Variants in NDST4 observed in about 807,000 individuals in gnomAD.
The protein encoded by NDST4 is N-deacetylase and N-sulfotransferase 4, also known as N-heparan sulfate sulfotransferase 4.
In NDST4, 63 loss-of-function variants were observed where a neutral mutation model predicts 100.8. The observed-to-expected ratio is 0.62, with a 90% CI of 0.51 to 0.77. The LOEUF (loss-of-function observed/expected upper bound fraction) is 0.77. NDST4 is among the 30% of genes least tolerant of loss of function. The pLI, the probability that NDST4 is intolerant of heterozygous loss-of-function variation, is 0.00. For missense variants in NDST4, 943 were observed against 1,018.4 expected, an observed-to-expected ratio of 0.93 and a Z score of 1.01; for synonymous variants, 377 against 361.8, an observed-to-expected ratio of 1.04 and a Z score of -0.48.
At chr4:114,874,368 C>G (rs1235543295) in intron 6 of NDST4, among the ~76,000 whole-genome samples, 1 of 152,070 alleles carries the variant, frequency 6.6e-6, no homozygotes, top group Non-Finnish European at 1.5e-5. Context: ...AATGGAAAAT[C>G]TGTCTTTTGA....
chr4:115,048,983 T>A (rs1275627837), intron 2 of NDST4, among the ~76,000 whole-genome samples: 1 of 152,124 alleles, frequency 6.6e-6, no homozygotes, highest in Non-Finnish European at 1.5e-5. Context: ...GTGAAATAAT[T>A]GTAGGAGAAA....
At chr4:114,861,089 C>A (rs1723909156) in intron 7 of NDST4, among the ~76,000 whole-genome samples, 1 of 152,198 alleles carries the variant, frequency 6.6e-6, no homozygotes, top group Admixed American at 6.5e-5. Context: ...TGTAGAAATT[C>A]TCATGTTTGT....
chr4:115,048,295 A>T (rs533444824), intron 2 of NDST4, among the ~76,000 whole-genome samples: 2 of 152,216 alleles, frequency 1.3e-5, no homozygotes, highest in African/African-American at 2.4e-5. Flanking sequence ...AGTTAGAAAA[A>T]CAAGGTTTTT....
chr4:114,882,678 GA>G (rs1724395750), intron 6 of NDST4, among the ~76,000 whole-genome samples: 1 of 152,064 alleles, frequency 6.6e-6, no homozygotes, highest in Non-Finnish European at 1.5e-5. Flanking sequence ...TAGGAAAAAA[GA>G]GAGTGGTGCA....
chr4:114,977,150 A>G (rs764464471), intron 3 of NDST4, 37 bp downstream of exon 3: 1 of 1,238,972 alleles, frequency 8.1e-7, no homozygotes, highest in Non-Finnish European at 1.2e-6. Context: ...TTTCCTATTT[A>G]TATGTAGCTG....
chr4:114,934,238 A>G (rs1725576305), intron 6 of NDST4, among the ~76,000 whole-genome samples: 1 of 152,180 alleles, frequency 6.6e-6, no homozygotes. Context: ...TGCTAAGTGA[A>G]TAAGTCAGGA....
intron 6 of NDST4, among the ~76,000 whole-genome samples, chr4:114,879,013 C>T (rs1724313408): frequency 6.6e-6 from 1 of 151,620 alleles, no homozygotes; most frequent in Non-Finnish European, 1.5e-5. Flanking sequence ...CTTTTGTAGT[C>T]TTTACGTTAT....
chr4:114,969,556 A>G (rs1560836373), intron 4 of NDST4, among the ~76,000 whole-genome samples: 1 of 152,156 alleles, frequency 6.6e-6, no homozygotes, highest in Non-Finnish European at 1.5e-5. Context: ...CATAAGTGCC[A>G]ACATGCAGTG....
intron 4 of NDST4, among the ~76,000 whole-genome samples, chr4:114,967,142 TG>T (rs1726400555): frequency 6.6e-6 from 1 of 152,042 alleles, no homozygotes; most frequent in Non-Finnish European, 1.5e-5. Flanking sequence ...CTTGGCTCTC[TG>T]GATAGCACAC....
intron 7 of NDST4, among the ~76,000 whole-genome samples, chr4:114,868,274 T>C (rs1362045237): frequency 1.3e-5 from 2 of 152,136 alleles, no homozygotes; most frequent in East Asian, 1.9e-4. Context: ...CTCTCTAGCA[T>C]TGTGATGAAT....
At chr4:115,062,188 G>A (rs1728839108) in intron 2 of NDST4, among the ~76,000 whole-genome samples, 1 of 151,956 alleles carries the variant, frequency 6.6e-6, no homozygotes, top group Non-Finnish European at 1.5e-5. Flanking sequence ...GTATCATAAC[G>A]ATCTGTTATG....
chr4:114,963,936 C>T (rs1452380562), intron 4 of NDST4, among the ~76,000 whole-genome samples: 1 of 152,110 alleles, frequency 6.6e-6, no homozygotes, highest in African/African-American at 2.4e-5. Context: ...ATCGCTGTCT[C>T]CTGATATTCC....
chr4:114,910,373 T>C (rs960252836), intron 6 of NDST4, among the ~76,000 whole-genome samples: 2 of 152,154 alleles, frequency 1.3e-5, no homozygotes, highest in African/African-American at 4.8e-5. Context: ...TAAAACATCA[T>C]AATATTTCAA....
chr4:114,896,259 T>C (rs1724710196), intron 6 of NDST4, among the ~76,000 whole-genome samples: 3 of 152,150 alleles, frequency 2.0e-5, no homozygotes, highest in Admixed American at 2.0e-4. Flanking sequence ...AGTGTAGTTT[T>C]ATATTATTAT....
chr4:114,967,329 A>AT (rs1434473818), intron 4 of NDST4, among the ~76,000 whole-genome samples: 3 of 152,050 alleles, frequency 2.0e-5, no homozygotes, highest in Non-Finnish European at 4.4e-5. Context: ...ATACAATAAG[A>AT]TTTTTTACAC....
intron 1 of NDST4, among the ~76,000 whole-genome samples, chr4:115,111,851 T>A (rs554048242): frequency 6.6e-6 from 1 of 152,040 alleles, no homozygotes; most frequent in Admixed American, 6.6e-5. Flanking sequence ...TTATGAGATG[T>A]CTATCAATGT....
chr4:114,974,689 C>T (rs1726590591), intron 3 of NDST4, among the ~76,000 whole-genome samples: 1 of 152,132 alleles, frequency 6.6e-6, no homozygotes. Flanking sequence ...TGCACTACGT[C>T]CTTCCTCTTT....
rs774405531 is a variant in NDST4 at position 114,852,767 on chromosome 4, CA to C, written c.1773del (p.Cys591TrpfsTer8). On this transcript the variant is annotated frameshift_variant, in exon 8 of 14. Transcript: ENST00000264363. LOFTEE classifies it high-confidence loss of function. ...HKDIWSREKT[C>X]DHLPKFLVIG... ...ATTACTAGAAATTTTGGTAAGTGGT[CA>C]CAAGTTTTCTCTCTGGACCAGATGT... is the stretch of plus-strand genomic sequence containing the variant. 6.2e-7 allele frequency: 1 copy of C among 1,612,314 alleles called. No homozygotes were observed. Among genetic ancestry groups the C allele is most frequent in the South Asian group, 1.1e-5 (1 of 90,836 alleles).
At chr4:115,033,268 C>T (rs1043084162) in intron 2 of NDST4, among the ~76,000 whole-genome samples, 16 of 150,094 alleles carry the variant, frequency 1.1e-4, no homozygotes, top group South Asian at 2.1e-4. Flanking sequence ...TTCAGCCTCC[C>T]GAGTAGCGAG....
Sources: gnomAD v4.1 joint callset for allele counts (sites outside exome capture counted in the v4.1 genomes callset) on GRCh38, gnomAD v4.1.1 for gene constraint, MANE v1.5 for transcripts, NCBI Gene and HGNC (gene_info 2026-07-23, HGNC 2026-07-21) for gene names.